Variants in SNW1 observed in about 807,000 individuals in gnomAD.
The protein encoded by SNW1 is SNW domain-containing protein 1.
Under a neutral mutation model 75.6 loss-of-function variants are expected in SNW1, and 9 were observed. The ratio of observed to expected loss-of-function variants is 0.12; its 90% CI spans 0.07 to 0.21. The LOEUF (loss-of-function observed/expected upper bound fraction) is 0.21. SNW1 is among the 10% of genes least tolerant of loss of function. The pLI, the probability that SNW1 is intolerant of heterozygous loss-of-function variation, is 1.00. For missense variants in SNW1, 409 were observed against 670.9 expected, an observed-to-expected ratio of 0.61 and a Z score of 4.31; for synonymous variants, 200 against 219.1, an observed-to-expected ratio of 0.91 and a Z score of 0.77.
chr14:77,741,695 T>C (rs2080720302), intron 3 of SNW1, among the ~76,000 whole-genome samples: 1 of 152,038 alleles, frequency 6.6e-6, no homozygotes, highest in Non-Finnish European at 1.5e-5. Context: ...CCTCTCAGCA[T>C]GGAAAAACCT....
intron 7 of SNW1, 21 bp from the exon 8 acceptor site, chr14:77,735,033 G>A (rs751649844): frequency 6.4e-7 from 1 of 1,559,560 alleles, no homozygotes; most frequent in Non-Finnish European, 8.8e-7. Flanking sequence ...AGGGAAAGAA[G>A]AGACAAGTTT....
intron 3 of SNW1, among the ~76,000 whole-genome samples, chr14:77,744,741 T>C (rs1358922711): frequency 2.0e-5 from 3 of 152,120 alleles, no homozygotes; most frequent in Non-Finnish European, 4.4e-5. Flanking sequence ...CAATGCCAAA[T>C]TGTTGCCCTT....
chr14:77,747,834 G>C (rs2080775857), intron 3 of SNW1, among the ~76,000 whole-genome samples: 3 of 151,356 alleles, frequency 2.0e-5, no homozygotes, highest in Admixed American at 6.6e-5. Context: ...TCCGGGAGGT[G>C]GGGGGCGCCT....
chr14:77,761,135 C>T lies in SNW1; in HGVS notation c.-8G>A. On this transcript the variant is annotated 5_prime_UTR_variant, in exon 1 of 14. Transcript: ENST00000261531. ...CCACCTGGTGAGCGCCATCTTCTTC[C>T]GCTTCTTCCAGCGCGAGCGACAGCA... The T allele has an allele frequency of 6.2e-7, 1 of 1,614,250 alleles. No homozygotes were observed. Among genetic ancestry groups the T allele is most frequent in the Non-Finnish European group, 8.5e-7 (1 of 1,180,042 alleles).
chr14:77,748,558 G>T (rs2080782642), intron 3 of SNW1, among the ~76,000 whole-genome samples: 1 of 151,880 alleles, frequency 6.6e-6, no homozygotes, highest in African/African-American at 2.4e-5. Context: ...TATACTTATG[G>T]TATCTTTTAC....
chr14:77,735,845 G>GTA, intron 7 of SNW1, 92 bp downstream of exon 7: 1 of 815,964 alleles, frequency 1.2e-6, no homozygotes, highest in South Asian at 1.7e-5. Context: ...AAGTCAGTGT[G>GTA]GTGACATGCA....
intron 10 of SNW1, among the ~76,000 whole-genome samples, chr14:77,730,111 C>G (rs116632689): frequency 0.014 from 2,159 of 152,264 alleles, 58 homozygotes; most frequent in African/African-American, 0.049. Flanking sequence ...GCTCTTCCCC[C>G]AGAAATCCAC....
rs569857471 is a variant in SNW1 at position 77,723,261 on chromosome 14, A to T, written c.1050T>A (p.Arg350=). ...THVEKEDGEA[R]ERDEIRHDRR... is the part of the protein sequence containing the mutation. ...TGTCATGCCGGATTTCATCCCTCTC[A>T]CGTGCCTCCCCATCCTCTGTGTGAA... Residue 350 remains arginine, a synonymous_variant, in exon 11 of 14, where the codon CGT becomes CGA. Coordinates refer to ENST00000261531, the MANE Select transcript of SNW1 (RefSeq NM_012245.3). The T allele has an allele frequency of 3.8e-5, 61 of 1,613,876 alleles. No homozygotes were observed. In the East Asian group the frequency reaches 1.4e-3, roughly 36 times the overall value.
At chr14:77,747,377 C>T (rs1445036988) in intron 3 of SNW1, among the ~76,000 whole-genome samples, 1 of 151,884 alleles carries the variant, frequency 6.6e-6, no homozygotes, top group African/African-American at 2.4e-5. Flanking sequence ...CCAGGCCGCC[C>T]ATCGTCTGGG....
At chr14:77,734,878 G>T in intron 8 of SNW1, 69 bp downstream of exon 8, 3 of 994,456 alleles carry the variant, frequency 3.0e-6, no homozygotes, top group Non-Finnish European at 4.7e-6. Flanking sequence ...AGTTATGCAG[G>T]CTGTAGTTGT....
chr14:77,723,879 A>C (rs2080563505), intron 10 of SNW1, among the ~76,000 whole-genome samples: 1 of 152,210 alleles, frequency 6.6e-6, no homozygotes, highest in Non-Finnish European at 1.5e-5. Context: ...TCCTGACCTC[A>C]AGTGATCTGC....
chr14:77,745,904 G>A lies in SNW1; in HGVS notation c.330+5415C>T, dbSNP rs148160167. Among the ~76,000 whole-genome samples, 248 of 151,738 alleles carry A rather than the reference G, an allele frequency of 1.6e-3. 1 individual carries two copies. Among genetic ancestry groups the A allele is most frequent in the Middle Eastern group, 6.8e-3 (2 of 292 alleles). ...CCGGGCATGGTGGTGTGCACCTGTA[G>A]TCCCAACTCCTTAGAAAGCTGGGGT... On this transcript the variant is annotated intron_variant, in intron 3 of 13. Coordinates refer to ENST00000261531, the MANE Select transcript of SNW1 (RefSeq NM_012245.3).
Position 77,718,509 on chromosome 14 carries a change from C to A in SNW1, c.1270G>T (p.Gly424Cys). Residue 424 changes from glycine to cysteine, a missense_variant, in exon 13 of 14, where the codon GGT becomes TGT. Physicochemically the swap from Gly to Cys is radical, Grantham distance 159 (BLOSUM62 -3). Transcript: ENST00000261531. ...QSKGMDSGFA[G>C]GEDEIYNVYD... ...ACATTATAAATTTCATCTTCTCCAC[C>A]TGCAAATCCACTGTCCATACCCTGT... The A allele has an allele frequency of 6.2e-7, 1 of 1,612,054 alleles. No individual in the cohort carries two copies. The highest frequency in any genetic ancestry group is 8.5e-7 in the Non-Finnish European group (1 of 1,178,462).
chr14:77,728,078 A>C (rs2080599654), intron 10 of SNW1, among the ~76,000 whole-genome samples: 1 of 124,070 alleles, frequency 8.1e-6, no homozygotes. Flanking sequence ...TTAGTGTAGA[A>C]TCTAGGTGGT....
chr14:77,720,825 C>T lies in SNW1; in HGVS notation c.1134G>A (p.Ser378=), dbSNP rs377230245. 9.0e-5 allele frequency: 145 copies of T among 1,607,464 alleles called. No individual in the cohort carries two copies. Among genetic ancestry groups the T allele is most frequent in the Non-Finnish European group, 1.2e-4 (139 of 1,174,850 alleles). Residue 378 remains serine, a synonymous_variant, in exon 12 of 14, where the codon TCG becomes TCA. Coordinates refer to ENST00000261531, the MANE Select transcript of SNW1 (RefSeq NM_012245.3). The part of the protein sequence containing the change: ...NLSRAAPDKR[S]KLQRNENRDI... ...CCCGATTTTCATTTCTCTGAAGTTTCGACCTATTTTGAAATACGACATCAC... is the reference window on the plus strand; with the variant it reads ...CCCGATTTTCATTTCTCTGAAGTTTTGACCTATTTTGAAATACGACATCAC...
intron 3 of SNW1, among the ~76,000 whole-genome samples, chr14:77,745,499 G>A (rs1224312680): frequency 6.6e-6 from 1 of 152,168 alleles, no homozygotes; most frequent in African/African-American, 2.4e-5. Flanking sequence ...CTTGAGGTCA[G>A]GAGTTCAAGA....
In SNW1 at chr14:77,718,482, A is replaced by G; in HGVS notation, c.1297T>C (p.Tyr433His). 3 of 1,613,842 alleles carry G rather than the reference A, an allele frequency of 1.9e-6. No homozygotes were observed. Among genetic ancestry groups the G allele is most frequent in the East Asian group, 2.2e-5 (1 of 44,880 alleles). Residue 433 changes from tyrosine to histidine, a missense_variant, in exon 13 of 14, where the codon TAT becomes CAT. By Grantham distance (83) the Tyr-to-His change is moderately conservative. Coordinates refer to ENST00000261531, the MANE Select transcript of SNW1 (RefSeq NM_012245.3). Reference protein sequence around the residue: ...AGGEDEIYNVYDQAWRGGKDM... With the variant: ...AGGEDEIYNVHDQAWRGGKDM... ...TTACCACCTCTCCAGGCTTGATCAT[A>G]AACATTATAAATTTCATCTTCTCCA... is the stretch of plus-strand genomic sequence containing the variant.
chr14:77,722,186 A>G (rs1429020863), intron 11 of SNW1, among the ~76,000 whole-genome samples: 2 of 152,208 alleles, frequency 1.3e-5, no homozygotes, highest in Non-Finnish European at 2.9e-5. Context: ...TTAGTATTGC[A>G]GCGTTCCCTC....
At chr14:77,750,322 A>G (rs2080797601) in intron 3 of SNW1, among the ~76,000 whole-genome samples, 1 of 152,238 alleles carries the variant, frequency 6.6e-6, no homozygotes, top group Non-Finnish European at 1.5e-5. Context: ...AAAATTGACA[A>G]TTGTCTTCCA....
Sources: allele counts gnomAD v4.1 joint callset (sites outside exome capture counted in the v4.1 genomes callset), GRCh38; gene constraint gnomAD v4.1.1; transcripts MANE v1.5; gene names NCBI Gene and HGNC (gene_info 2026-07-23, HGNC 2026-07-21).